The following NUP54 variants were observed in gnomAD, a reference collection of about 807,000 sequenced individuals.
The protein encoded by NUP54 is nucleoporin 54.
A neutral mutation model predicts 66.4 loss-of-function variants in NUP54; 27 were observed. That is an observed-to-expected ratio of 0.41 (90% confidence interval 0.30 to 0.56). The LOEUF is 0.56. NUP54 is among the 20% of genes least tolerant of loss of function. The probability of loss-of-function intolerance (pLI) is 0.34; values close to 1 mark genes in which losing one functional copy is unlikely to be tolerated. For synonymous variants in NUP54, 206 were observed against 210.7 expected, an observed-to-expected ratio of 0.98 and a Z score of 0.19; for missense variants, 486 against 596.3, an observed-to-expected ratio of 0.82 and a Z score of 1.93.
Position 76,132,697 on chromosome 4 carries a change from C to G in NUP54, c.733G>C (p.Val245Leu), listed in dbSNP as rs750355829. ...GAAGTACCATTTGGCGAACGCTCAA[C>G]AACATAAATAACAACTTCTGTCCTG... ...DDQTEVVIYV[V>L]ERSPNGTSRR... The change falls in exon 6 of 12, where the codon GTT becomes CTT. Residue 245 changes from valine (V) to leucine (L), a missense_variant. Transcript: ENST00000264883. 6.2e-7 allele frequency: 1 copy of G among 1,612,682 alleles called. No homozygotes were observed.
At chr4:76,130,426 T>C (rs1406028498) in intron 8 of NUP54, among the ~76,000 whole-genome samples, 1 of 152,176 alleles carries the variant, frequency 6.6e-6, no homozygotes, top group East Asian at 1.9e-4. Flanking sequence ...GACAGTCTAA[T>C]TAATCCACTA....
At chr4:76,147,677 AAG>A (rs1553945543) in intron 1 of NUP54, 2 of 1,269,888 alleles carry the variant, frequency 1.6e-6, no homozygotes, top group South Asian at 1.3e-5. Context: ...AAATTTTAAA[AAG>A]GGGGAGAGGG....
At chr4:76,116,339 T>C (rs188769979) in intron 11 of NUP54, among the ~76,000 whole-genome samples, 1 of 152,320 alleles carries the variant, frequency 6.6e-6, no homozygotes, top group East Asian at 1.9e-4. Flanking sequence ...CATTCTAACA[T>C]AATAAAATTG....
chr4:76,140,689 A>G (rs567724481), intron 3 of NUP54, among the ~76,000 whole-genome samples: 33 of 152,232 alleles, frequency 2.2e-4, no homozygotes, highest in Non-Finnish European at 4.4e-4. Flanking sequence ...AAGCAGGAGA[A>G]TAAGTTGAAA....
chr4:76,130,723 A>G lies in NUP54; in HGVS notation c.989T>C (p.Phe330Ser). 1 of 1,613,446 alleles carries G rather than the reference A, an allele frequency of 6.2e-7. No homozygotes were observed. The highest frequency in any genetic ancestry group is 1.1e-5 in the South Asian group (1 of 91,036). Residue 330 changes from phenylalanine to serine, a missense_variant, in exon 8 of 12, where the codon TTT (phenylalanine) becomes TCT (serine). Phe to Ser is a radical substitution (Grantham distance 155). This residue lies in a region of NUP54 where 217 missense variants were observed against 247.9 expected (regional missense o/e 0.88). Coordinates refer to ENST00000264883, the MANE Select transcript of NUP54 (RefSeq NM_017426.4). The stretch of plus-strand genomic sequence containing the variant: ...CTTCAGTCTTCGGAGAAGTTCCTTA[A>G]AACCCACCATTGGTACAGGAATTAA... ...EKLIPVPMVGFKELLRRLKVQ... is the reference protein window; with the variant it reads ...EKLIPVPMVGSKELLRRLKVQ...
chr4:76,122,027 G>C (rs1730258113), intron 9 of NUP54, among the ~76,000 whole-genome samples: 1 of 152,146 alleles, frequency 6.6e-6, no homozygotes, highest in Non-Finnish European at 1.5e-5. Flanking sequence ...CCGTTGTCTA[G>C]TTTCTAAATG....
chr4:76,120,504 A>G (rs1056396481), intron 9 of NUP54, among the ~76,000 whole-genome samples: 1 of 142,104 alleles, frequency 7.0e-6, no homozygotes, highest in African/African-American at 2.6e-5. Flanking sequence ...ATCTTGGCTC[A>G]CGGCAACCTC....
rs537232764 is a variant in NUP54, at chr4:76,131,000, T to C, written c.962+230A>G. On this transcript the variant is annotated intron_variant, in intron 7 of 11. Coordinates refer to ENST00000264883, the MANE Select transcript of NUP54 (RefSeq NM_017426.4). ...AAACGCAAATAGAATTTTCCGCTCC[T>C]AGTTAGTTCTCACTATGCTATGCTG... is the stretch of plus-strand genomic sequence containing the variant. 31 of 606,524 alleles carry C rather than the reference T, an allele frequency of 5.1e-5. No individual in the cohort carries two copies. The Middle Eastern group carries it at 2.6e-3, about 52-fold the overall frequency. The allele number at this position is 606,524 out of a possible 1,614,324, so 37.6% of individuals were successfully genotyped here. A position where few individuals can be genotyped will look rare whatever the true frequency, so the allele number is the denominator to read the frequency against.
Position 76,118,568 on chromosome 4 carries a change from C to CGGGGTGGGGCGG in NUP54, c.1165-375_1165-374insCCGCCCCACCCC, listed in dbSNP as rs1730063721. ...GTTACATTTTTTAATTTTTTTGTGG[C>CGGGGTGGGGCGG]GGGGTGGGGGGGGGGGTCTCACTAT... On this transcript the variant is annotated intron_variant, in intron 9 of 11. Coordinates refer to ENST00000264883, the MANE Select transcript of NUP54 (RefSeq NM_017426.4). The CGGGGTGGGGCGG allele has an allele frequency of 1.2e-4, 2 of 17,072 alleles. 1 individual carries two copies. Among genetic ancestry groups the CGGGGTGGGGCGG allele is most frequent in the African/African-American group, 6.3e-4 (2 of 3,156 alleles). 1.1% of individuals were successfully genotyped at this position (17,072 alleles called of 1,614,324 possible). A position where few individuals can be genotyped will look rare whatever the true frequency, so the allele number is the denominator to read the frequency against.
chr4:76,129,795 G>T (rs1377895673), intron 8 of NUP54, among the ~76,000 whole-genome samples: 1 of 148,370 alleles, frequency 6.7e-6, no homozygotes, highest in Admixed American at 6.8e-5. Flanking sequence ...AACTCAGGAG[G>T]TGGAGCTTGC....
Position 76,143,733 on chromosome 4 carries a change from C to T in NUP54, c.295+416G>A, listed in dbSNP as rs111447621. ...AGTAAGAAAATGATCACCATAAAAG[C>T]CAAGACTGCAGGTCCTCTGATGGGG... On this transcript the variant is annotated intron_variant, in intron 3 of 11. Coordinates refer to ENST00000264883, the MANE Select transcript of NUP54 (RefSeq NM_017426.4). Among the ~76,000 whole-genome samples the T allele has an allele frequency of 3.6e-3, 553 of 152,250 alleles. 6 individuals are homozygous for T. Among genetic ancestry groups the T allele is most frequent in the African/African-American group, 0.013 (532 of 41,542 alleles).
intron 3 of NUP54, among the ~76,000 whole-genome samples, chr4:76,136,703 T>C (rs1327884666): frequency 1.3e-5 from 2 of 152,156 alleles, no homozygotes; most frequent in Non-Finnish European, 2.9e-5. Context: ...GATGCTATGC[T>C]GTTGGCATAT....
chr4:76,115,130 T>C lies in NUP54; in HGVS notation c.*236A>G, dbSNP rs1678046222. 1 of 352,844 alleles carries C rather than the reference T, an allele frequency of 2.8e-6. No individual in the cohort carries two copies. The highest frequency in any genetic ancestry group is 5.0e-6 in the Non-Finnish European group (1 of 198,888). 21.9% of individuals were successfully genotyped at this position (352,844 alleles called of 1,614,324 possible). On this transcript the variant is annotated 3_prime_UTR_variant, in exon 12 of 12. Transcript: ENST00000264883. The stretch of plus-strand genomic sequence containing the variant: ...ACATACAATTTTGGTAATTATGCAC[T>C]TCTTTTAAAGTAAATACAGCTTTTA...
chr4:76,131,229 CT>C lies in NUP54; in HGVS notation c.962del (p.Lys321SerfsTer2). The C allele has an allele frequency of 6.3e-7, 1 of 1,578,862 alleles. No individual in the cohort carries two copies. ...QAKVDNPDSE[K>X]LIPVPMVGFK... ...ATGAAACAAGATGAAGACATACTTACTTTTCAGAATCAGGGTTATCTACCTT... is the reference window on the plus strand; with the variant it reads ...ATGAAACAAGATGAAGACATACTTACTTTCAGAATCAGGGTTATCTACCTT... On this transcript the variant is annotated frameshift_variant and splice_region_variant, in exon 7 of 12. Coordinates refer to ENST00000264883, the MANE Select transcript of NUP54 (RefSeq NM_017426.4). LOFTEE classifies it high-confidence loss of function.
chr4:76,144,394 A>G lies in NUP54; in HGVS notation c.147T>C (p.Thr49=), dbSNP rs1731397158. Residue 49 remains threonine, a synonymous_variant, in exon 2 of 12, where the codon ACT becomes ACC. Transcript: ENST00000264883. ...FSFSAPTNTG[T]TGLFGGTQNK... The stretch of plus-strand genomic sequence containing the variant: ...TGACTTAAGATGGCCTCTTACCAGT[A>G]GTGCCTGTGTTAGTTGGGGCAGAAA... 3 of 1,607,294 alleles carry G rather than the reference A, an allele frequency of 1.9e-6. No individual in the cohort carries two copies. Among genetic ancestry groups the G allele is most frequent in the Non-Finnish European group, 2.5e-6 (3 of 1,178,344 alleles).
chr4:76,133,218 T>C (rs1240465440), intron 5 of NUP54, among the ~76,000 whole-genome samples: 1 of 151,976 alleles, frequency 6.6e-6, no homozygotes. Context: ...TCTTAAATCT[T>C]GGAAAATAAG....
chr4:76,131,848 T>C (rs1730816138), intron 6 of NUP54, among the ~76,000 whole-genome samples: 2 of 152,096 alleles, frequency 1.3e-5, no homozygotes, highest in Non-Finnish European at 2.9e-5. Flanking sequence ...TGTTAATTAC[T>C]GTACAGTTTA....
chr4:76,122,976 G>A (rs756922709), intron 9 of NUP54, among the ~76,000 whole-genome samples: 6 of 152,188 alleles, frequency 3.9e-5, no homozygotes, highest in African/African-American at 7.2e-5. Flanking sequence ...ATATCGTTAT[G>A]ATTCCATTTA....
chr4:76,138,626 G>A (rs933938986), intron 3 of NUP54, among the ~76,000 whole-genome samples: 1 of 152,180 alleles, frequency 6.6e-6, no homozygotes, highest in Non-Finnish European at 1.5e-5. Flanking sequence ...GAAGTACAGA[G>A]GTTCTGGGAG....
Sources: allele counts gnomAD v4.1 joint callset (sites outside exome capture counted in the v4.1 genomes callset), GRCh38; gene constraint gnomAD v4.1.1; regional missense constraint gnomAD v4.1.1; transcripts MANE v1.5; gene names NCBI Gene and HGNC (gene_info 2026-07-23, HGNC 2026-07-21).